Variants in GRID2IP observed in about 807,000 individuals in gnomAD.
The protein encoded by GRID2IP is Grid2 interacting protein.
In GRID2IP, 78 loss-of-function variants were observed where a neutral mutation model predicts 114.3. That is an observed-to-expected ratio of 0.68 (90% CI 0.57 to 0.82). The LOEUF (loss-of-function observed/expected upper bound fraction) is 0.82. GRID2IP is among the 40% of genes least tolerant of loss of function. The pLI, the probability that GRID2IP is intolerant of heterozygous loss-of-function variation, is 0.00. For synonymous variants in GRID2IP, 809 were observed against 724.0 expected (o/e 1.12, Z -1.89); for missense variants, 1,727 against 1,678.5 (o/e 1.03, Z -0.51).
chr7:6,512,248 T>TTTTTTTTTTTTTTTTG (rs1243925277), intron 8 of GRID2IP, among the ~76,000 whole-genome samples: 2 of 145,286 alleles, frequency 1.4e-5, no homozygotes, highest in African/African-American at 5.1e-5. Flanking sequence ...TTTTTTTTTT[T>TTTTTTTTTTTTTTTTG]TGTGACAGGT....
At chr7:6,537,370 CT>C (rs772469574) in intron 2 of GRID2IP, among the ~76,000 whole-genome samples, 1,443 of 58,210 alleles carry the variant, frequency 0.025, 7 homozygotes, top group African/African-American at 0.061. Context: ...ATGGTGAGAC[CT>C]TTTTTTTTTT....
chr7:6,521,497 G>A lies in GRID2IP; in HGVS notation c.1016C>T (p.Ser339Phe). The A allele has an allele frequency of 6.5e-7, 1 of 1,549,328 alleles. No homozygotes were observed. The highest frequency in any genetic ancestry group is 8.7e-7 in the Non-Finnish European group (1 of 1,145,914). The change falls in exon 6 of 22, where the codon TCC becomes TTC. Residue 339 changes from serine to phenylalanine, a missense_variant. Transcript: ENST00000457091. This position sits in a 1 kb window ranked among gnomAD's most constrained non-coding sequence, Gnocchi z 4.1. The part of the protein sequence containing the change: ...MRNCSHDKVV[S>F]MLQGSGAMPT... ...CATGGCACCACTGCCCTGCAGCATG[G>A]ACACCACCTTGTCGTGGGAGCAGTT...
Position 6,508,102 on chromosome 7 carries a change from A to G in GRID2IP, c.2427T>C (p.Cys809=). ...PPPPLPPPVP[C]APPMLSRGLG... ...GGCCCCGGGACAGCATGGGGGGTGC[A>G]CAGGGCACGGGTGGGGGCAGGGGCG... Residue 809 remains cysteine (C), a synonymous_variant, in exon 13 of 22, where the codon TGT becomes TGC. Transcript: ENST00000457091. This position sits in a 1 kb window ranked among gnomAD's most constrained non-coding sequence, Gnocchi z 5.6. 1 of 1,428,402 alleles carries G rather than the reference A, an allele frequency of 7.0e-7. No homozygotes were observed. The highest frequency in any genetic ancestry group is 9.4e-7 in the Non-Finnish European group (1 of 1,065,628). 88.5% of individuals were successfully genotyped at this position (1,428,402 alleles called of 1,614,324 possible). A position where few individuals can be genotyped will look rare whatever the true frequency, so the allele number is the denominator to read the frequency against.
At chr7:6,530,587 TCTTTATCTCAC>T (rs1006260223) in intron 2 of GRID2IP, among the ~76,000 whole-genome samples, 9 of 148,028 alleles carry the variant, frequency 6.1e-5, no homozygotes, top group African/African-American at 2.2e-4. Flanking sequence ...CACCCAGCTT[TCTTTATCTCAC>T]CTTTGATCAT....
intron 1 of GRID2IP, among the ~76,000 whole-genome samples, chr7:6,545,593 G>A (rs915397161): frequency 6.6e-6 from 1 of 152,162 alleles, no homozygotes; most frequent in Non-Finnish European, 1.5e-5. Context: ...CAGAGGCCAC[G>A]TTCTGTACAC....
At chr7:6,524,531 G>A (rs945462185) in intron 4 of GRID2IP, among the ~76,000 whole-genome samples, 3 of 152,184 alleles carry the variant, frequency 2.0e-5, no homozygotes, top group South Asian at 4.1e-4. Context: ...AGGAAGAAAG[G>A]GATTCTTGCA....
rs73674129 is a variant in GRID2IP at position 6,534,100 on chromosome 7, C to G, written c.584+5618G>C. 0.01 allele frequency among the ~76,000 whole-genome samples: 1,551 copies of G among 152,214 alleles called. 31 individuals are homozygous for G. Among genetic ancestry groups the G allele is most frequent in the African/African-American group, 0.036 (1,502 of 41,532 alleles). On this transcript the variant is annotated intron_variant, in intron 2 of 21. Coordinates refer to ENST00000457091, the MANE Select transcript of GRID2IP (RefSeq NM_001145118.2). The surrounding 1 kb of genome is among the most constrained non-coding windows in gnomAD (Gnocchi z 4.5). ...CAAGTTCATTTACATGGTTTCCTAC[C>G]AAGAACCCTGCTGAGAACACCCAGA...
At position 6,508,726 on chromosome 7, in the gene GRID2IP, C is replaced by T. The variant is rs191363881; in HGVS notation, c.2127+232G>A. 6.6e-6 allele frequency among the ~76,000 whole-genome samples: 1 copy of T among 152,230 alleles called. No homozygotes were observed. The highest frequency in any genetic ancestry group is 1.9e-4 in the East Asian group (1 of 5,176). On this transcript the variant is annotated intron_variant, in intron 12 of 21. Coordinates refer to ENST00000457091, the MANE Select transcript of GRID2IP (RefSeq NM_001145118.2). The surrounding 1 kb of genome is among the most constrained non-coding windows in gnomAD (Gnocchi z 5.6). ...GGGATAGCCTGAGCTAAGGAATGGGCTAACCTGCGACAGGGAATATGGGCT... is the reference window on the plus strand; with the variant it reads ...GGGATAGCCTGAGCTAAGGAATGGGTTAACCTGCGACAGGGAATATGGGCT...
chr7:6,529,684 C>T (rs1779579520), intron 2 of GRID2IP, among the ~76,000 whole-genome samples: 1 of 152,146 alleles, frequency 6.6e-6, no homozygotes, highest in Non-Finnish European at 1.5e-5. Flanking sequence ...CCCAGCAGAG[C>T]CAGGAGCAGT....
intron 15 of GRID2IP, among the ~76,000 whole-genome samples, 155 bp from the exon 16 acceptor site, chr7:6,503,842 C>A (rs941507991): frequency 2.0e-5 from 3 of 150,412 alleles, no homozygotes; most frequent in African/African-American, 7.4e-5. Context: ...ACAAGAAACG[C>A]GGACGGGGAC....
intron 1 of GRID2IP, among the ~76,000 whole-genome samples, chr7:6,541,174 C>T (rs1019238196): frequency 6.6e-6 from 1 of 152,128 alleles, no homozygotes; most frequent in Admixed American, 6.6e-5. Context: ...TGTGAGCCAC[C>T]TCTCTTGGCC....
chr7:6,518,308 A>G (rs1779349954), intron 7 of GRID2IP, among the ~76,000 whole-genome samples: 1 of 152,182 alleles, frequency 6.6e-6, no homozygotes, highest in African/African-American at 2.4e-5. Context: ...ACAAAAATGG[A>G]CAAAGGGTAT....
rs1003613434 is a variant in GRID2IP, at chr7:6,508,754, C to A, written c.2127+204G>T. 1.3e-5 allele frequency among the ~76,000 whole-genome samples: 2 copies of A among 152,078 alleles called. No homozygotes were observed. Among genetic ancestry groups the A allele is most frequent in the African/African-American group, 4.8e-5 (2 of 41,398 alleles). On this transcript the variant is annotated intron_variant, in intron 12 of 21. Transcript: ENST00000457091. The surrounding 1 kb of genome is among the most constrained non-coding windows in gnomAD (Gnocchi z 5.6). The stretch of plus-strand genomic sequence containing the variant: ...ACCTGCGACAGGGAATATGGGCTAG[C>A]CTCAGTCAAGGAGCATGATAACCTT...
At chr7:6,518,652 C>T (rs1222686445) in intron 7 of GRID2IP, among the ~76,000 whole-genome samples, 4 of 152,016 alleles carry the variant, frequency 2.6e-5, no homozygotes, top group African/African-American at 7.2e-5. Flanking sequence ...AGGAGAATCG[C>T]TTGAACCCAG....
intron 1 of GRID2IP, among the ~76,000 whole-genome samples, chr7:6,549,769 G>A (rs1477676764): frequency 2.6e-5 from 4 of 151,294 alleles, no homozygotes; most frequent in South Asian, 4.2e-4. Flanking sequence ...CCACAGGCGC[G>A]CGCCACCACA....
chr7:6,512,094 T>G (rs1367957387), intron 8 of GRID2IP, among the ~76,000 whole-genome samples: 1 of 151,094 alleles, frequency 6.6e-6, no homozygotes, highest in African/African-American at 2.4e-5. Context: ...TTTTTTTTTT[T>G]TAAGCAGAGA....
At position 6,523,361 on chromosome 7, in the gene GRID2IP, G is replaced by C. The variant is rs1779449322; in HGVS notation, c.920-1404C>G. Among the ~76,000 whole-genome samples the C allele has an allele frequency of 6.6e-6, 1 of 152,090 alleles. No homozygotes were observed. Among genetic ancestry groups the C allele is most frequent in the East Asian group, 1.9e-4 (1 of 5,174 alleles). ...CTGGCCTGCCTGGAATGGTGGGACA[G>C]CTAGAGAGGTTGTCGCAGGGGATCA... On this transcript the variant is annotated intron_variant, in intron 4 of 21. Transcript: ENST00000457091. This position sits in a 1 kb window ranked among gnomAD's most constrained non-coding sequence, Gnocchi z 4.5.
intron 1 of GRID2IP, among the ~76,000 whole-genome samples, chr7:6,549,753 C>G (rs1399097352): frequency 1.3e-5 from 2 of 151,770 alleles, no homozygotes; most frequent in Non-Finnish European, 2.9e-5. Context: ...CCTTGAGTAT[C>G]TGGCACCACA....
intron 2 of GRID2IP, chr7:6,530,935 C>T (rs1234558230): frequency 1.0e-5 from 5 of 492,836 alleles, no homozygotes; most frequent in Non-Finnish European, 1.4e-5. Context: ...CGCCCAGGCT[C>T]GGAGGGTGCC....
Sources: allele counts gnomAD v4.1 joint callset (sites outside exome capture counted in the v4.1 genomes callset), GRCh38; gene constraint gnomAD v4.1.1; non-coding constraint Gnocchi (gnomAD v3.1); transcripts MANE v1.5; gene names NCBI Gene and HGNC (gene_info 2026-07-23, HGNC 2026-07-21).